Variants in CCDC181 observed in about 807,000 individuals in gnomAD.
CCDC181 encodes coiled-coil domain containing 181, also known as coiled-coil domain-containing protein 181.
A neutral mutation model predicts 58.7 loss-of-function variants in CCDC181; 35 were observed. The observed-to-expected ratio is 0.60, with a 90% CI of 0.46 to 0.79. CCDC181 has a LOEUF of 0.79. Ranked by LOEUF, CCDC181 falls within the 30% of genes least tolerant of loss-of-function variation. The pLI, the probability that CCDC181 is intolerant of heterozygous loss-of-function variation, is 0.00. For missense variants in CCDC181, 517 were observed against 583.9 expected, an observed-to-expected ratio of 0.89 and a Z score of 1.18; for synonymous variants, 183 against 197.5, an observed-to-expected ratio of 0.93 and a Z score of 0.62.
intron 2 of CCDC181, among the ~76,000 whole-genome samples, chr1:169,459,145 A>G (rs1657764319): frequency 1.3e-5 from 2 of 152,234 alleles, no homozygotes; most frequent in South Asian, 4.1e-4. Context: ...ACTATGAAAT[A>G]ATAAAATAAT....
At chr1:169,452,077 G>A (rs1209822255) in intron 2 of CCDC181, among the ~76,000 whole-genome samples, 1 of 151,994 alleles carries the variant, frequency 6.6e-6, no homozygotes, top group Non-Finnish European at 1.5e-5. Flanking sequence ...TGGGGCAGGG[G>A]GAAGACAGAG....
intron 2 of CCDC181, among the ~76,000 whole-genome samples, chr1:169,455,287 A>G (rs1657653787): frequency 1.3e-5 from 2 of 152,014 alleles, no homozygotes; most frequent in African/African-American, 4.8e-5. Context: ...TTTGTAAACA[A>G]GTCCTAATGT....
chr1:169,432,005 T>A (rs1656932582), upstream of CCDC181, among the ~76,000 whole-genome samples: 1 of 152,034 alleles, frequency 6.6e-6, no homozygotes, highest in African/African-American at 2.4e-5. Flanking sequence ...AAGTATAAAG[T>A]TAAATTGAAC....
upstream of CCDC181, among the ~76,000 whole-genome samples, chr1:169,431,232 C>A (rs1188558290): frequency 6.6e-6 from 1 of 152,154 alleles, no homozygotes; most frequent in Non-Finnish European, 1.5e-5. Flanking sequence ...GTTCTAGAAT[C>A]TTTTTGGATG....
upstream of CCDC181, among the ~76,000 whole-genome samples, chr1:169,430,662 G>T (rs1276038486): frequency 3.5e-5 from 3 of 85,452 alleles, no homozygotes; most frequent in Non-Finnish European, 7.6e-5. Context: ...TTTGAACAAA[G>T]AATTGGAAAA....
intron 2 of CCDC181, among the ~76,000 whole-genome samples, chr1:169,448,145 T>C (rs181186761): frequency 6.6e-6 from 1 of 152,298 alleles, no homozygotes. Context: ...CTGACCCTTA[T>C]GACATCATTG....
intron 4 of CCDC181, among the ~76,000 whole-genome samples, chr1:169,398,653 G>A (rs1254414143): frequency 6.6e-6 from 1 of 152,130 alleles, no homozygotes; most frequent in Non-Finnish European, 1.5e-5. Flanking sequence ...TTAAACTTCA[G>A]TTTCTCAGTC....
chr1:169,447,394 A>G (rs1362634156), intron 2 of CCDC181, among the ~76,000 whole-genome samples: 1 of 152,136 alleles, frequency 6.6e-6, no homozygotes, highest in Admixed American at 6.6e-5. Flanking sequence ...ATTACAATGT[A>G]GGAATGAGCC....
At chr1:169,397,532 T>C (rs369214298) in intron 4 of CCDC181, 141 bp from the exon 5 acceptor site, 3 of 653,048 alleles carry the variant, frequency 4.6e-6, no homozygotes, top group East Asian at 6.1e-5. Flanking sequence ...GCATTCCTAG[T>C]ATCCAAACCA....
At chr1:169,422,930 TAA>T (rs1455654262) in intron 2 of CCDC181, among the ~76,000 whole-genome samples, 1 of 151,002 alleles carries the variant, frequency 6.6e-6, no homozygotes, top group African/African-American at 2.4e-5. Context: ...GGCCTTAAAT[TAA>T]AAAAAGTTAA....
chr1:169,452,959 T>C (rs564154689), intron 2 of CCDC181, among the ~76,000 whole-genome samples: 23 of 152,192 alleles, frequency 1.5e-4, no homozygotes, highest in Non-Finnish European at 2.9e-4. Flanking sequence ...ATTATACATT[T>C]CTAGTCATTA....
At chr1:169,419,927 C>A (rs1443860200) in intron 3 of CCDC181, among the ~76,000 whole-genome samples, 1 of 152,170 alleles carries the variant, frequency 6.6e-6, no homozygotes, top group Admixed American at 6.5e-5. Flanking sequence ...TCCCCTGAAA[C>A]CAACTAAAAC....
At chr1:169,434,239 A>G (rs1656997033) in intron 2 of CCDC181, among the ~76,000 whole-genome samples, 2 of 152,034 alleles carry the variant, frequency 1.3e-5, no homozygotes, top group Admixed American at 6.6e-5. Flanking sequence ...CAAAACCACT[A>G]TGAGATACCA....
At position 169,417,035 on chromosome 1, in the gene CCDC181, A is replaced by G. The variant is rs182489157; in HGVS notation, c.1215+1978T>C. Among the ~76,000 whole-genome samples the G allele has an allele frequency of 3.7e-3, 563 of 152,328 alleles. 5 individuals are homozygous for G. The highest frequency in any genetic ancestry group is 0.013 in the African/African-American group (525 of 41,568). Reference sequence around the variant, plus strand: ...AATAATACACACGCTATATAAATAGAAAAACCAATTGGTTTTCCTTCTCAT... The same window carrying G: ...AATAATACACACGCTATATAAATAGGAAAACCAATTGGTTTTCCTTCTCAT... On this transcript the variant is annotated intron_variant, in intron 4 of 5. Transcript: ENST00000367806.
chr1:169,427,975 T>C (rs186841304), upstream of CCDC181, among the ~76,000 whole-genome samples: 2 of 152,304 alleles, frequency 1.3e-5, no homozygotes, highest in Non-Finnish European at 2.9e-5. Context: ...TGAATTTAGA[T>C]TGTGGTGAAA....
chr1:169,417,243 C>T (rs1231930404), intron 4 of CCDC181, among the ~76,000 whole-genome samples: 1 of 152,190 alleles, frequency 6.6e-6, no homozygotes, highest in Non-Finnish European at 1.5e-5. Context: ...ATTGCCTCCA[C>T]TTCAGATATC....
chr1:169,418,229 C>T (rs930045501), intron 4 of CCDC181, among the ~76,000 whole-genome samples: 1 of 152,124 alleles, frequency 6.6e-6, no homozygotes, highest in Non-Finnish European at 1.5e-5. Context: ...TTAACTAACG[C>T]AACATTGGAA....
chr1:169,431,301 C>T (rs890537307), upstream of CCDC181, among the ~76,000 whole-genome samples: 2 of 152,098 alleles, frequency 1.3e-5, no homozygotes, highest in African/African-American at 4.8e-5. Context: ...TCCTCTTTAC[C>T]AATGTGGATG....
rs1242871564 is a variant in CCDC181 at position 169,416,109 on chromosome 1, C to T, written c.1215+2904G>A. ...TGTTCTAGGGTTGGGACGCTAGGCC[C>T]CAGTGGCCTAGATTTTCTAGTGGGA... is the stretch of plus-strand genomic sequence containing the variant. On this transcript the variant is annotated intron_variant, in intron 4 of 5. Coordinates refer to ENST00000367806, the MANE Select transcript of CCDC181 (RefSeq NM_001300969.2). Among the ~76,000 whole-genome samples the T allele has an allele frequency of 2.0e-5, 3 of 152,184 alleles. No individual in the cohort carries two copies. The East Asian group carries it at 5.8e-4, about 29-fold the overall frequency.
Sources: gnomAD v4.1 joint callset for allele counts (sites outside exome capture counted in the v4.1 genomes callset) on GRCh38, gnomAD v4.1.1 for gene constraint, MANE v1.5 for transcripts, NCBI Gene and HGNC (gene_info 2026-07-23, HGNC 2026-07-21) for gene names.